ALDH1L1: variants seen among roughly 807,000 people sequenced by gnomAD.
The protein encoded by ALDH1L1 is aldehyde dehydrogenase 1 family member L1, also known as cytosolic 10-formyltetrahydrofolate dehydrogenase.
A neutral mutation model predicts 101.1 loss-of-function variants in ALDH1L1; 68 were observed. That is an observed-to-expected ratio of 0.67 (90% CI 0.55 to 0.82). The LOEUF is 0.82. ALDH1L1 is among the 40% of genes least tolerant of loss of function. The pLI is 0.00. For synonymous variants in ALDH1L1, 486 were observed against 470.8 expected (o/e 1.03, Z -0.42); for missense variants, 1,087 against 1,172.7 (o/e 0.93, Z 1.07).
chr3:126,190,240 G>T (rs925355604), intron 1 of ALDH1L1, among the ~76,000 whole-genome samples: 2 of 152,146 alleles, frequency 1.3e-5, no homozygotes, highest in African/African-American at 4.8e-5. Flanking sequence ...ATATTCAAAT[G>T]GTTCATCATG....
At chr3:126,112,244 G>A (rs1194014658) in intron 19 of ALDH1L1, among the ~76,000 whole-genome samples, 1 of 152,218 alleles carries the variant, frequency 6.6e-6, no homozygotes, top group African/African-American at 2.4e-5. Flanking sequence ...CAAGGTGGCT[G>A]CAGAGCCTGA....
At chr3:126,186,957 C>T (rs575492046) in intron 1 of ALDH1L1, among the ~76,000 whole-genome samples, 3 of 152,268 alleles carry the variant, frequency 2.0e-5, no homozygotes, top group African/African-American at 7.2e-5. Context: ...ACTGCACGGA[C>T]GCTGGGAGGG....
chr3:126,131,368 G>A lies in ALDH1L1; in HGVS notation c.1623+16C>T. 6.3e-7 allele frequency: 1 copy of A among 1,586,464 alleles called. No individual in the cohort carries two copies. The highest frequency in any genetic ancestry group is 8.6e-7 in the Non-Finnish European group (1 of 1,159,160). On this transcript the variant is annotated intron_variant, in intron 13 of 22. Transcript: ENST00000393434. ...AGTCTGCATGTGCTCACACTGGGTG[G>A]GAGCCTGGGCCCCACCTGGATCTTG...
chr3:126,186,581 GACT>G (rs1346903812), intron 1 of ALDH1L1, among the ~76,000 whole-genome samples: 1 of 152,156 alleles, frequency 6.6e-6, no homozygotes, highest in Admixed American at 6.5e-5. Context: ...AGCGTGTAGG[GACT>G]GCTTGGGAGA....
At chr3:126,161,703 T>C (rs1199045049) in intron 1 of ALDH1L1, among the ~76,000 whole-genome samples, 1 of 151,788 alleles carries the variant, frequency 6.6e-6, no homozygotes, top group Non-Finnish European at 1.5e-5. Context: ...TAAATTGTCC[T>C]TTTACGAAAA....
At chr3:126,121,667 G>A (rs537354374) in intron 16 of ALDH1L1, among the ~76,000 whole-genome samples, 7 of 152,274 alleles carry the variant, frequency 4.6e-5, no homozygotes, top group African/African-American at 7.2e-5. Context: ...AAGGGCATAC[G>A]ACAAATGGAG....
At chr3:126,141,943 C>A (rs184770036) in intron 9 of ALDH1L1, among the ~76,000 whole-genome samples, 2 of 151,636 alleles carry the variant, frequency 1.3e-5, no homozygotes, top group Admixed American at 1.3e-4. Context: ...ACAAAATTAA[C>A]AAACCTTTAT....
chr3:126,138,460 A>G (rs1451853825), intron 9 of ALDH1L1, among the ~76,000 whole-genome samples: 1 of 152,240 alleles, frequency 6.6e-6, no homozygotes, highest in East Asian at 1.9e-4. Flanking sequence ...CTAATTAAAA[A>G]TGAGCAAAAG....
At chr3:126,115,015 C>A (rs1250128013) in intron 17 of ALDH1L1, 3 of 460,190 alleles carry the variant, frequency 6.5e-6, no homozygotes, top group Admixed American at 2.3e-5. Flanking sequence ...TCCTCTACTG[C>A]ATGTTGACCT....
chr3:126,128,657 G>C (rs569286763), intron 14 of ALDH1L1: 1 of 152,474 alleles, frequency 6.6e-6, no homozygotes, highest in South Asian at 2.1e-4. Context: ...ACCTGCCTTT[G>C]GGCGAGCCCT....
chr3:126,184,985 AT>A (rs2081505414), upstream of ALDH1L1, among the ~76,000 whole-genome samples: 1 of 152,030 alleles, frequency 6.6e-6, no homozygotes, highest in South Asian at 2.1e-4. Flanking sequence ...ATGTCACCTG[AT>A]CCCCACCCCT....
In ALDH1L1 at chr3:126,155,160, T is replaced by C. The variant is rs181238135; in HGVS notation, c.630+242A>G. Among the ~76,000 whole-genome samples the C allele has an allele frequency of 1.9e-3, 290 of 152,306 alleles. 1 individual carries two copies. Among genetic ancestry groups the C allele is most frequent in the African/African-American group, 5.9e-3 (245 of 41,580 alleles). On this transcript the variant is annotated intron_variant, in intron 5 of 22. Transcript: ENST00000393434. ...TCTCCCTGTGGGCTTTGTCTGCCCATTCCTCCTAAAGAGGAACAGGAAAGA... is the reference window on the plus strand; with the variant it reads ...TCTCCCTGTGGGCTTTGTCTGCCCACTCCTCCTAAAGAGGAACAGGAAAGA...
chr3:126,153,454 T>G lies in ALDH1L1; in HGVS notation c.848A>C (p.Asp283Ala). 1 of 1,613,962 alleles carries G rather than the reference T, an allele frequency of 6.2e-7. No homozygotes were observed. Among genetic ancestry groups the G allele is most frequent in the Middle Eastern group, 1.6e-4 (1 of 6,062 alleles). ...TKAGLILFGNDDKMLLVKNIQ... is the reference protein window; with the variant it reads ...TKAGLILFGNADKMLLVKNIQ... ...CAGCCGTGCCCTTACCATTTTGTCA[T>G]CATTCCCAAAGAGGATGAGTCCTGC... The change falls in exon 7 of 23, where the codon GAT becomes GCT. Residue 283 changes from aspartate to alanine, a missense_variant. Asp to Ala is a moderately radical substitution (Grantham distance 126, BLOSUM62 -2). Transcript: ENST00000393434.
intron 21 of ALDH1L1, among the ~76,000 whole-genome samples, chr3:126,106,344 G>A (rs1945870145): frequency 6.6e-6 from 1 of 152,208 alleles, no homozygotes; most frequent in African/African-American, 2.4e-5. Flanking sequence ...ACTGACATAC[G>A]ATGATAATTT....
intron 1 of ALDH1L1, among the ~76,000 whole-genome samples, chr3:126,190,866 T>TA (rs147369137): frequency 0.038 from 5,723 of 152,330 alleles, 175 homozygotes; most frequent in Non-Finnish European, 0.054. Context: ...ATCTGCTATC[T>TA]AAAAATATCT....
chr3:126,114,479 A>C, intron 18 of ALDH1L1, 78 bp downstream of exon 18: 1 of 1,200,628 alleles, frequency 8.3e-7, no homozygotes, highest in Admixed American at 2.8e-5. Flanking sequence ...TGGCTGTGGA[A>C]TCAGAGACAG....
chr3:126,145,909 T>G (rs1393297337), intron 9 of ALDH1L1, among the ~76,000 whole-genome samples: 1 of 152,202 alleles, frequency 6.6e-6, no homozygotes, highest in Admixed American at 6.5e-5. Flanking sequence ...CATCCTCAGC[T>G]CGGTAGCTGT....
chr3:126,169,947 A>G (rs1576490274), intron 1 of ALDH1L1, among the ~76,000 whole-genome samples: 1 of 152,190 alleles, frequency 6.6e-6, no homozygotes, highest in East Asian at 1.9e-4. Context: ...ATTATCTTTT[A>G]CAGTTTAAAT....
intron 1 of ALDH1L1, among the ~76,000 whole-genome samples, chr3:126,191,112 G>A (rs2081550794): frequency 6.6e-6 from 1 of 152,182 alleles, no homozygotes; most frequent in Non-Finnish European, 1.5e-5. Context: ...ACCACTGATT[G>A]AGATACCACA....
Sources: gnomAD v4.1 joint callset for allele counts (sites outside exome capture counted in the v4.1 genomes callset) on GRCh38, gnomAD v4.1.1 for gene constraint, MANE v1.5 for transcripts, NCBI Gene and HGNC (gene_info 2026-07-23, HGNC 2026-07-21) for gene names.